ROBO1: variants seen among roughly 807,000 people sequenced by gnomAD.
ROBO1 encodes the protein roundabout guidance receptor 1, also known as roundabout homolog 1.
In ROBO1, 149 loss-of-function variants were observed where a neutral mutation model predicts 195.9. The ratio of observed to expected loss-of-function variants is 0.76; its 90% CI spans 0.67 to 0.87. ROBO1 has a LOEUF of 0.87. ROBO1 is among the 40% of genes least tolerant of loss of function. The pLI is 0.00. For synonymous variants in ROBO1, 816 were observed against 733.2 expected, an observed-to-expected ratio of 1.11 and a Z score of -1.82; for missense variants, 1,933 against 2,068.3, an observed-to-expected ratio of 0.93 and a Z score of 1.27.
intron 2 of ROBO1, among the ~76,000 whole-genome samples, chr3:79,142,567 G>A (rs1165989589): frequency 6.6e-6 from 1 of 152,130 alleles, no homozygotes; most frequent in Non-Finnish European, 1.5e-5. Flanking sequence ...CTCTGCACAT[G>A]TTTAGAGTGG....
At chr3:78,739,820 C>T (rs1017357009) in intron 5 of ROBO1, among the ~76,000 whole-genome samples, 2 of 152,120 alleles carry the variant, frequency 1.3e-5, no homozygotes, top group African/African-American at 4.8e-5. Flanking sequence ...CTAATCTCTC[C>T]AAATCATTGA....
At position 78,851,250 on chromosome 3, in the gene ROBO1, C is replaced by G. The variant is rs555967825; in HGVS notation, c.499+87351G>C. ...GATTCTGTCTCTGGAAAGTCCTTTT[C>G]TGGTCTGGAAAACACCTCAACTGAA... On this transcript the variant is annotated intron_variant, in intron 4 of 30. Coordinates refer to ENST00000464233, the MANE Select transcript of ROBO1 (RefSeq NM_002941.4). 3.3e-5 allele frequency among the ~76,000 whole-genome samples: 5 copies of G among 152,320 alleles called. No homozygotes were observed. The East Asian group carries it at 9.7e-4, about 29-fold the overall frequency.
intron 1 of ROBO1, among the ~76,000 whole-genome samples, chr3:79,615,747 C>T (rs1944798669): frequency 6.6e-6 from 1 of 152,118 alleles, no homozygotes; most frequent in Non-Finnish European, 1.5e-5. Context: ...AATACAGACT[C>T]ATACATATAT....
chr3:78,883,555 T>A (rs897534307), intron 4 of ROBO1, among the ~76,000 whole-genome samples: 1 of 151,844 alleles, frequency 6.6e-6, no homozygotes, highest in Admixed American at 6.6e-5. Context: ...CTAATTTTCT[T>A]AATTTTCTGT....
chr3:79,451,234 T>A (rs1208159616), intron 2 of ROBO1, among the ~76,000 whole-genome samples: 1 of 152,066 alleles, frequency 6.6e-6, no homozygotes, highest in African/African-American at 2.4e-5. Flanking sequence ...TCATTTAAAA[T>A]GCTGGAAACT....
At chr3:79,670,161 T>C (rs1241386013) in intron 1 of ROBO1, among the ~76,000 whole-genome samples, 1 of 151,952 alleles carries the variant, frequency 6.6e-6, no homozygotes, top group Non-Finnish European at 1.5e-5. Flanking sequence ...TATCCATAGA[T>C]GCCATAAATA....
intron 2 of ROBO1, among the ~76,000 whole-genome samples, chr3:79,479,926 G>A (rs116561172): frequency 0.045 from 6,868 of 152,136 alleles, 413 homozygotes; most frequent in African/African-American, 0.14. Flanking sequence ...ATGGAAGTTC[G>A]CATTCCCTAG....
intron 2 of ROBO1, among the ~76,000 whole-genome samples, chr3:79,357,608 C>T (rs1304357569): frequency 6.6e-6 from 1 of 152,064 alleles, no homozygotes; most frequent in African/African-American, 2.4e-5. Context: ...GGTACATATA[C>T]ATGTTTCAAC....
chr3:78,793,972 T>TA (rs1024914318), intron 4 of ROBO1, among the ~76,000 whole-genome samples: 28 of 152,274 alleles, frequency 1.8e-4, no homozygotes, highest in Non-Finnish European at 3.4e-4. Flanking sequence ...GATCCTCATC[T>TA]AAAAAAATGA....
chr3:78,787,548 G>A (rs1400053426), intron 4 of ROBO1, among the ~76,000 whole-genome samples: 2 of 152,156 alleles, frequency 1.3e-5, no homozygotes, highest in Admixed American at 6.5e-5. Flanking sequence ...TGTGATCCAC[G>A]TTGTAAGTAA....
At chr3:79,137,296 T>C (rs899651736) in intron 2 of ROBO1, among the ~76,000 whole-genome samples, 1 of 152,020 alleles carries the variant, frequency 6.6e-6, no homozygotes, top group Non-Finnish European at 1.5e-5. Flanking sequence ...AAAGTCAGAG[T>C]AGTTTATTAT....
intron 2 of ROBO1, among the ~76,000 whole-genome samples, chr3:79,204,454 G>A (rs1226158611): frequency 6.6e-6 from 1 of 151,712 alleles, no homozygotes; most frequent in African/African-American, 2.4e-5. Flanking sequence ...CCCCAGTGGC[G>A]GCTGACTACA....
At chr3:79,303,929 C>T (rs967846178) in intron 2 of ROBO1, among the ~76,000 whole-genome samples, 2 of 151,936 alleles carry the variant, frequency 1.3e-5, no homozygotes, top group African/African-American at 4.8e-5. Flanking sequence ...AGGGATAGGA[C>T]AGGTAAGAAA....
At chr3:78,740,983 T>A (rs2108253235) in intron 5 of ROBO1, among the ~76,000 whole-genome samples, 1 of 152,268 alleles carries the variant, frequency 6.6e-6, no homozygotes, top group Non-Finnish European at 1.5e-5. Context: ...CTCATATAAA[T>A]ACACAAAAGT....
In ROBO1 at chr3:78,816,988, A is replaced by AAAAT. The variant is rs1216613447; in HGVS notation, c.500-70089_500-70088insATTT. Among the ~76,000 whole-genome samples, 34 of 152,212 alleles carry AAAAT rather than the reference A, an allele frequency of 2.2e-4. No individual in the cohort carries two copies. The East Asian group carries it at 5.8e-3, about 26-fold the overall frequency. On this transcript the variant is annotated intron_variant, in intron 4 of 30. Transcript: ENST00000464233. Reference sequence around the variant, plus strand: ...ACCCTAGAGCTTAAAGTATAATAAAAAAAATAAAATAAAATAAAATAAAAC... The same window carrying AAAAT: ...ACCCTAGAGCTTAAAGTATAATAAAAAAATAAAATAAAATAAAATAAAATAAAAC...
intron 5 of ROBO1, among the ~76,000 whole-genome samples, chr3:78,719,041 T>C (rs72908817): frequency 0.059 from 8,924 of 152,278 alleles, 878 homozygotes; most frequent in African/African-American, 0.2. Flanking sequence ...AAACTAGGTA[T>C]TCTGGCCAAG....
intron 8 of ROBO1, among the ~76,000 whole-genome samples, chr3:78,713,578 A>G (rs1385870881): frequency 6.6e-6 from 1 of 152,194 alleles, no homozygotes. Flanking sequence ...AGAAAAAAAA[A>G]TAGAGGAAAG....
intron 8 of ROBO1, among the ~76,000 whole-genome samples, chr3:78,691,554 AAT>A (rs1237512880): frequency 6.6e-6 from 1 of 152,176 alleles, no homozygotes; most frequent in Non-Finnish European, 1.5e-5. Flanking sequence ...TGTTAAACAT[AAT>A]GGTAATGTCA....
chr3:78,735,620 G>A (rs3773244), intron 5 of ROBO1, among the ~76,000 whole-genome samples: 26,848 of 151,684 alleles, frequency 0.18, 2,897 homozygotes, highest in East Asian at 0.47. Context: ...CATACCTAAC[G>A]GATAAATAAG....
Sources: allele counts gnomAD v4.1 joint callset (sites outside exome capture counted in the v4.1 genomes callset), GRCh38; gene constraint gnomAD v4.1.1; transcripts MANE v1.5; gene names NCBI Gene and HGNC (gene_info 2026-07-23, HGNC 2026-07-21).